Variants in VPS13B observed in about 807,000 individuals in gnomAD.
VPS13B encodes the protein intermembrane lipid transfer protein VPS13B.
In VPS13B, 285 loss-of-function variants were observed where a neutral mutation model predicts 426.4. The observed-to-expected ratio is 0.67, with a 90% CI of 0.61 to 0.74. The LOEUF (loss-of-function observed/expected upper bound fraction) is 0.74, where lower values mean the gene tolerates loss of function less well. Among genes scored for constraint, VPS13B ranks in the 30% least tolerant of loss-of-function variants. VPS13B has a pLI of 0.00. For missense variants in VPS13B, 4,537 were observed against 4,782.6 expected (o/e 0.95, Z 1.51); for synonymous variants, 1,676 against 1,676.4 (o/e 1.00, Z 0.01).
At chr8:99,300,155 G>A (rs760506734) in intron 19 of VPS13B, among the ~76,000 whole-genome samples, 1 of 152,108 alleles carries the variant, frequency 6.6e-6, no homozygotes, top group African/African-American at 2.4e-5. Context: ...AAACTTGTGT[G>A]TGTGTTTGTG....
chr8:99,246,807 A>G lies in VPS13B; in HGVS notation c.2516-27391A>G, dbSNP rs187770718. On this transcript the variant is annotated intron_variant, in intron 17 of 61. Transcript: ENST00000357162. ...CTCGAACCTAGGAGGTGGAGATCTC[A>G]CCACTGCACTCCAGCCTGGGCGACA... Among the ~76,000 whole-genome samples, 942 of 149,536 alleles carry G rather than the reference A, an allele frequency of 6.3e-3. 7 individuals carry two copies. Among genetic ancestry groups the G allele is most frequent in the African/African-American group, 0.022 (883 of 40,584 alleles).
intron 19 of VPS13B, among the ~76,000 whole-genome samples, chr8:99,285,862 A>G (rs1302006655): frequency 6.6e-6 from 1 of 152,094 alleles, no homozygotes; most frequent in Non-Finnish European, 1.5e-5. Flanking sequence ...CATTCCTTTT[A>G]TTCAGTTCAG....
intron 33 of VPS13B, among the ~76,000 whole-genome samples, chr8:99,636,698 T>C (rs1829085066): frequency 6.6e-6 from 1 of 152,056 alleles, no homozygotes; most frequent in Admixed American, 6.6e-5. Context: ...ATAGGAAGTA[T>C]CTAATAAGTA....
At chr8:99,719,203 A>G (rs756947074) in intron 37 of VPS13B, among the ~76,000 whole-genome samples, 2 of 152,232 alleles carry the variant, frequency 1.3e-5, no homozygotes, top group African/African-American at 2.4e-5. Flanking sequence ...ATCTGTTTAC[A>G]TGACCAAGTG....
intron 3 of VPS13B, among the ~76,000 whole-genome samples, chr8:99,078,337 G>A (rs1341148560): frequency 6.7e-6 from 1 of 148,828 alleles, no homozygotes; most frequent in Non-Finnish European, 1.5e-5. Flanking sequence ...TCTTATAGAT[G>A]CATCTATTAT....
At chr8:99,573,556 A>T (rs1255340412) in intron 31 of VPS13B, among the ~76,000 whole-genome samples, 1 of 152,204 alleles carries the variant, frequency 6.6e-6, no homozygotes, top group Non-Finnish European at 1.5e-5. Flanking sequence ...TTAAAAAGGG[A>T]ATACTTTCCC....
chr8:99,204,926 C>T (rs1032364776), intron 17 of VPS13B, among the ~76,000 whole-genome samples: 3 of 152,186 alleles, frequency 2.0e-5, no homozygotes, highest in African/African-American at 7.2e-5. Flanking sequence ...ATTAGTTCAA[C>T]CATTGTGGAA....
intron 19 of VPS13B, among the ~76,000 whole-genome samples, chr8:99,314,953 CTT>C (rs1821231990): frequency 6.6e-6 from 1 of 151,940 alleles, no homozygotes; most frequent in Non-Finnish European, 1.5e-5. Flanking sequence ...TGTTCCTGCT[CTT>C]TTCTTGTTTC....
At chr8:99,024,486 G>C (rs1209456902) in intron 2 of VPS13B, among the ~76,000 whole-genome samples, 1 of 152,172 alleles carries the variant, frequency 6.6e-6, no homozygotes, top group Admixed American at 6.5e-5. Flanking sequence ...TATATGGTGA[G>C]AGATCGGGAT....
chr8:99,249,829 C>T (rs1434610895), intron 17 of VPS13B, among the ~76,000 whole-genome samples: 1 of 152,112 alleles, frequency 6.6e-6, no homozygotes, highest in Non-Finnish European at 1.5e-5. Flanking sequence ...TTCCTTGAGC[C>T]CAGGAGTTTG....
rs1423093636 is a variant in VPS13B at position 99,469,365 on chromosome 8, A to C, written c.3666+1731A>C. ...TTTCATTTTTATTTTTTTGTAGAAC[A>C]GGGTCTCGCTTTGTTGTCTGGGATG... On this transcript the variant is annotated intron_variant, in intron 24 of 61. Coordinates refer to ENST00000357162, the MANE Select transcript of VPS13B (RefSeq NM_152564.5). 2.6e-5 allele frequency among the ~76,000 whole-genome samples: 4 copies of C among 151,908 alleles called. No individual in the cohort carries two copies. The East Asian group carries it at 5.8e-4, about 22-fold the overall frequency.
chr8:99,091,884 G>A (rs1437024895), intron 3 of VPS13B: 1 of 152,158 alleles, frequency 6.6e-6, no homozygotes, highest in African/African-American at 2.4e-5. Context: ...GCGAAGTTTG[G>A]TGCCACAGGG....
chr8:99,846,607 A>C (rs553283321), intron 54 of VPS13B, among the ~76,000 whole-genome samples: 1 of 152,344 alleles, frequency 6.6e-6, no homozygotes, highest in Admixed American at 6.5e-5. Context: ...GATAGACTAA[A>C]GTCTGTGTTT....
Position 99,765,516 on chromosome 8 carries a change from A to G in VPS13B, c.7051-1258A>G, listed in dbSNP as rs796692190. The stretch of plus-strand genomic sequence containing the variant: ...TGTTTCATGGGTGCTGGCAGAAGGA[A>G]TAAGACTCCTGGTCAGAAGCAAAGA... On this transcript the variant is annotated intron_variant, in intron 39 of 61. Coordinates refer to ENST00000357162, the MANE Select transcript of VPS13B (RefSeq NM_152564.5). 2.6e-4 allele frequency among the ~76,000 whole-genome samples: 40 copies of G among 152,340 alleles called. 1 individual carries two copies. The highest frequency in any genetic ancestry group is 3.4e-3 in the Middle Eastern group (1 of 294).
chr8:99,017,295 A>G (rs1242578368), intron 2 of VPS13B, among the ~76,000 whole-genome samples: 1 of 152,016 alleles, frequency 6.6e-6, no homozygotes, highest in African/African-American at 2.4e-5. Context: ...AGGTTGCCAT[A>G]TGTGTGTGGA....
intron 17 of VPS13B, among the ~76,000 whole-genome samples, chr8:99,208,768 A>G (rs1814892402): frequency 1.3e-5 from 2 of 152,184 alleles, no homozygotes; most frequent in Non-Finnish European, 2.9e-5. Context: ...CTTTACTTTC[A>G]CAGGAAAGCC....
chr8:99,479,854 A>G (rs904517375), intron 24 of VPS13B, among the ~76,000 whole-genome samples: 1 of 152,216 alleles, frequency 6.6e-6, no homozygotes, highest in African/African-American at 2.4e-5. Flanking sequence ...TAATGCTGCC[A>G]TGAACATTTG....
intron 23 of VPS13B, among the ~76,000 whole-genome samples, chr8:99,442,947 A>G (rs1817746345): frequency 6.6e-6 from 1 of 152,182 alleles, no homozygotes; most frequent in Non-Finnish European, 1.5e-5. Context: ...ACTAAGAATG[A>G]TAAGTAGATT....
intron 24 of VPS13B, 23 bp from the exon 25 acceptor site, chr8:99,481,576 T>A (rs1474147026): frequency 5.0e-6 from 8 of 1,611,118 alleles, no homozygotes; most frequent in Admixed American, 1.7e-5. Context: ...CTTGTTTTCT[T>A]TTCTTTTTTC....
Sources: gnomAD v4.1 joint callset for allele counts (sites outside exome capture counted in the v4.1 genomes callset) on GRCh38, gnomAD v4.1.1 for gene constraint, MANE v1.5 for transcripts, NCBI Gene and HGNC (gene_info 2026-07-23, HGNC 2026-07-21) for gene names.